SH3BGRL2: variants seen among roughly 807,000 people sequenced by gnomAD.
The protein encoded by SH3BGRL2 is SH3 domain-binding glutamic acid-rich-like protein 2.
Under a neutral mutation model 14.8 loss-of-function variants are expected in SH3BGRL2, and 21 were observed. That is an observed-to-expected ratio of 1.42 (90% CI 1.01 to 2.05). The LOEUF (loss-of-function observed/expected upper bound fraction) is 2.05. Ranked by LOEUF, SH3BGRL2 falls within the 30% of genes most tolerant of loss-of-function variation. The probability of loss-of-function intolerance (pLI) is 0.00; values close to 1 mark genes in which losing one functional copy is unlikely to be tolerated. For missense variants in SH3BGRL2, 147 were observed against 130.8 expected, an observed-to-expected ratio of 1.12 and a Z score of -0.61; for synonymous variants, 50 against 47.8, an observed-to-expected ratio of 1.05 and a Z score of -0.19.
intron 3 of SH3BGRL2, among the ~76,000 whole-genome samples, chr6:79,698,294 T>G (rs903242347): frequency 6.6e-6 from 1 of 152,342 alleles, no homozygotes; most frequent in Middle Eastern, 3.4e-3. Flanking sequence ...AGTGAAAATG[T>G]CTTCAAGAAC....
At chr6:79,543,237 T>C in the SH3BGRL2 span, among the ~76,000 whole-genome samples, 1 of 152,248 alleles carries the variant, frequency 6.6e-6, no homozygotes, top group African/African-American at 2.4e-5. Context: ...ATCAATATTT[T>C]AAAGTTATCG....
the SH3BGRL2 span, among the ~76,000 whole-genome samples, chr6:79,552,089 C>CA: frequency 1.2e-4 from 18 of 151,028 alleles, no homozygotes; most frequent in East Asian, 5.8e-4. Flanking sequence ...TACTCTGCCT[C>CA]AAAAAAACAA....
chr6:79,550,874 G>A, the SH3BGRL2 span, among the ~76,000 whole-genome samples: 5 of 152,186 alleles, frequency 3.3e-5, 1 homozygote, highest in South Asian at 4.2e-4. Context: ...CTTCAGTCTC[G>A]TAATCATGGT....
chr6:79,559,272 T>C, the SH3BGRL2 span, among the ~76,000 whole-genome samples: 1 of 152,146 alleles, frequency 6.6e-6, no homozygotes, highest in African/African-American at 2.4e-5. Context: ...GAGACCAGCC[T>C]GGGCAACATG....
At chr6:79,571,216 C>A in the SH3BGRL2 span, among the ~76,000 whole-genome samples, 1 of 152,172 alleles carries the variant, frequency 6.6e-6, no homozygotes, top group Non-Finnish European at 1.5e-5. Flanking sequence ...AGAGAACTGT[C>A]CCTAACCTTA....
chr6:79,553,091 T>A, the SH3BGRL2 span: 1 of 152,154 alleles, frequency 6.6e-6, no homozygotes, highest in Admixed American at 6.5e-5. Context: ...TGCTTTTCAG[T>A]CATCACTGGA....
At chr6:79,654,392 TGTGCATTGTAGCTCAGA>T in intron 1 of SH3BGRL2, among the ~76,000 whole-genome samples, 1 of 152,224 alleles carries the variant, frequency 6.6e-6, no homozygotes, top group Non-Finnish European at 1.5e-5. Context: ...TTTGACAATA[TGTGCATTGTAGCTCAGA>T]GTTCAGAATC....
At chr6:79,646,313 G>A (rs941062509) in intron 1 of SH3BGRL2, among the ~76,000 whole-genome samples, 2 of 152,330 alleles carry the variant, frequency 1.3e-5, no homozygotes, top group South Asian at 2.1e-4. Context: ...CTTCTGATAA[G>A]GTATGACCTG....
At chr6:79,583,423 A>G in the SH3BGRL2 span, among the ~76,000 whole-genome samples, 1 of 152,256 alleles carries the variant, frequency 6.6e-6, no homozygotes, top group Non-Finnish European at 1.5e-5. Context: ...AAAATGTGGC[A>G]TATATACACC....
the SH3BGRL2 span, among the ~76,000 whole-genome samples, chr6:79,582,581 A>G: frequency 6.6e-6 from 1 of 152,366 alleles, no homozygotes; most frequent in African/African-American, 2.4e-5. Flanking sequence ...CTGACTAGCC[A>G]TATGTAGAAA....
At chr6:79,649,738 G>A (rs186295279) in intron 1 of SH3BGRL2, among the ~76,000 whole-genome samples, 7 of 152,146 alleles carry the variant, frequency 4.6e-5, no homozygotes, top group African/African-American at 1.7e-4. Flanking sequence ...GGCTCTATAG[G>A]CATGCCTCTG....
the SH3BGRL2 span, among the ~76,000 whole-genome samples, chr6:79,568,932 A>C: frequency 6.6e-6 from 1 of 152,210 alleles, no homozygotes; most frequent in East Asian, 1.9e-4. Flanking sequence ...CAATGGAAAG[A>C]GTCAAACTGT....
Position 79,631,521 on chromosome 6 carries a change from G to C in SH3BGRL2, c.45+15G>C. On this transcript the variant is annotated intron_variant, in intron 1 of 3. Coordinates refer to ENST00000369838, the MANE Select transcript of SH3BGRL2 (RefSeq NM_031469.4). ...GCTTCGTGGCGGTGAGCGCGGTGGG[G>C]GCGGGCAGTAGGTTGGGGTCGCGGG... is the stretch of plus-strand genomic sequence containing the variant. 1 of 1,453,798 alleles carries C rather than the reference G, an allele frequency of 6.9e-7. No homozygotes were observed. The highest frequency in any genetic ancestry group is 1.5e-5 in the South Asian group (1 of 67,170). The allele number at this position is 1,453,798 out of a possible 1,614,324, so 90.1% of individuals were successfully genotyped here.
chr6:79,662,130 A>G (rs1769564113), intron 1 of SH3BGRL2, among the ~76,000 whole-genome samples: 1 of 152,134 alleles, frequency 6.6e-6, no homozygotes, highest in South Asian at 2.1e-4. Context: ...TAATTGGTGC[A>G]TTTAGCCCAT....
intron 1 of SH3BGRL2, among the ~76,000 whole-genome samples, chr6:79,649,097 T>A (rs1273173414): frequency 6.6e-6 from 1 of 152,142 alleles, no homozygotes; most frequent in Non-Finnish European, 1.5e-5. Context: ...CAGAAAGTCC[T>A]CAAAGCCCAA....
At chr6:79,609,096 T>C in the SH3BGRL2 span, among the ~76,000 whole-genome samples, 1 of 152,266 alleles carries the variant, frequency 6.6e-6, no homozygotes, top group East Asian at 1.9e-4. Flanking sequence ...TAAACATACA[T>C]TGACTGTTGG....
At chr6:79,600,611 A>G in the SH3BGRL2 span, among the ~76,000 whole-genome samples, 9 of 152,184 alleles carry the variant, frequency 5.9e-5, no homozygotes, top group East Asian at 1.2e-3. Context: ...GAGGAAGCCA[A>G]TGGACCCTCC....
Position 79,684,086 on chromosome 6 carries a change from G to A in SH3BGRL2, c.231+10287G>A, listed in dbSNP as rs112550983. Among the ~76,000 whole-genome samples the A allele has an allele frequency of 2.2e-4, 33 of 152,260 alleles. No homozygotes were observed. The South Asian group carries it at 4.6e-3, about 21-fold the overall frequency. Reference sequence around the variant, plus strand: ...GCCACAGGAGATTGTGCTCTATTTCGAAGATATGGATGCTATTTATTTAGG... The same window carrying A: ...GCCACAGGAGATTGTGCTCTATTTCAAAGATATGGATGCTATTTATTTAGG... On this transcript the variant is annotated intron_variant, in intron 2 of 3. Coordinates refer to ENST00000369838, the MANE Select transcript of SH3BGRL2 (RefSeq NM_031469.4).
At chr6:79,557,935 C>T in the SH3BGRL2 span, among the ~76,000 whole-genome samples, 1 of 152,110 alleles carries the variant, frequency 6.6e-6, no homozygotes, top group East Asian at 1.9e-4. Context: ...TTATTTTGAA[C>T]CTCACTGATT....
Sources: allele counts gnomAD v4.1 joint callset (sites outside exome capture counted in the v4.1 genomes callset), GRCh38; gene constraint gnomAD v4.1.1; transcripts MANE v1.5; gene names NCBI Gene and HGNC (gene_info 2026-07-23, HGNC 2026-07-21).